Variants in MTUS2 observed in about 807,000 individuals in gnomAD.
MTUS2 encodes microtubule-associated tumor suppressor candidate 2.
In MTUS2, 40 loss-of-function variants were observed where a neutral mutation model predicts 114.1. That is an observed-to-expected ratio of 0.35 (90% CI 0.27 to 0.46). The LOEUF is 0.46. Ranked by LOEUF, MTUS2 falls within the 20% of genes least tolerant of loss-of-function variation. MTUS2 has a pLI of 1.00. For missense variants in MTUS2, 1,679 were observed against 1,705.4 expected (o/e 0.98, Z 0.27); for synonymous variants, 688 against 672.0 (o/e 1.02, Z -0.37).
At chr13:29,271,187 G>A (rs932098053) in intron 5 of MTUS2, among the ~76,000 whole-genome samples, 1 of 152,004 alleles carries the variant, frequency 6.6e-6, no homozygotes, top group African/African-American at 2.4e-5. Context: ...CTCTTCTCTC[G>A]GTTTCTGCCA....
At chr13:29,421,479 C>T (rs568353142) in intron 8 of MTUS2, among the ~76,000 whole-genome samples, 1 of 152,292 alleles carries the variant, frequency 6.6e-6, no homozygotes, top group East Asian at 1.9e-4. Flanking sequence ...GCAAATGGTA[C>T]CAAGGTTCAC....
At chr13:29,055,983 CA>C (rs1360252683) in intron 4 of MTUS2, among the ~76,000 whole-genome samples, 1 of 151,858 alleles carries the variant, frequency 6.6e-6, no homozygotes, top group Non-Finnish European at 1.5e-5. Flanking sequence ...GCATAGTTTG[CA>C]AATATTTTCT....
chr13:29,370,112 G>A (rs1273367723), intron 8 of MTUS2, among the ~76,000 whole-genome samples: 1 of 152,202 alleles, frequency 6.6e-6, no homozygotes, highest in Non-Finnish European at 1.5e-5. Context: ...CACTTTGGGA[G>A]GCTGAGGTGG....
At chr13:28,911,405 A>C (rs944726846) in intron 2 of MTUS2, among the ~76,000 whole-genome samples, 1 of 150,516 alleles carries the variant, frequency 6.6e-6, no homozygotes, top group African/African-American at 2.4e-5. Context: ...CCATCTCCTG[A>C]CCTCGTGATC....
chr13:29,015,799 C>G (rs1464872823), intron 2 of MTUS2, among the ~76,000 whole-genome samples: 2 of 151,716 alleles, frequency 1.3e-5, no homozygotes, highest in Admixed American at 1.3e-4. Context: ...ACATGACATG[C>G]AAAGTGAAAA....
At chr13:29,164,993 C>T (rs1291028691) in intron 5 of MTUS2, among the ~76,000 whole-genome samples, 1 of 152,180 alleles carries the variant, frequency 6.6e-6, no homozygotes, top group Non-Finnish European at 1.5e-5. Context: ...AGGTATTTCT[C>T]TAGACCCAGA....
At chr13:29,162,195 T>G (rs566818556) in intron 5 of MTUS2, among the ~76,000 whole-genome samples, 2 of 152,186 alleles carry the variant, frequency 1.3e-5, no homozygotes, top group Non-Finnish European at 2.9e-5. Context: ...TCTAATCCAA[T>G]ATGACCTCAT....
At chr13:29,306,265 A>G (rs1593283639) in intron 6 of MTUS2, among the ~76,000 whole-genome samples, 1 of 152,200 alleles carries the variant, frequency 6.6e-6, no homozygotes, top group African/African-American at 2.4e-5. Context: ...CCTATTCAAC[A>G]TAGTATTGGA....
At chr13:28,914,388 C>G (rs1471072811) in intron 2 of MTUS2, among the ~76,000 whole-genome samples, 1 of 151,960 alleles carries the variant, frequency 6.6e-6, no homozygotes. Context: ...GTTTATTTTC[C>G]ATGTAGTTTT....
chr13:29,220,089 G>A (rs1055851630), intron 5 of MTUS2, among the ~76,000 whole-genome samples: 14 of 151,516 alleles, frequency 9.2e-5, no homozygotes, highest in African/African-American at 3.4e-4. Flanking sequence ...TCCACCTCCC[G>A]GGTTCAAGCC....
At chr13:29,451,913 A>T (rs1025985998) in intron 9 of MTUS2, among the ~76,000 whole-genome samples, 14 of 152,178 alleles carry the variant, frequency 9.2e-5, no homozygotes, top group African/African-American at 3.4e-4. Flanking sequence ...TGAGAGTGAC[A>T]ATATAGCTTC....
chr13:29,138,633 G>A (rs1892085309), intron 5 of MTUS2, among the ~76,000 whole-genome samples: 1 of 151,528 alleles, frequency 6.6e-6, no homozygotes, highest in Non-Finnish European at 1.5e-5. Context: ...TGACAAAAAT[G>A]TTCTAAACTA....
intron 2 of MTUS2, among the ~76,000 whole-genome samples, chr13:28,844,855 G>A (rs1875760740): frequency 6.6e-6 from 1 of 152,174 alleles, no homozygotes; most frequent in Non-Finnish European, 1.5e-5. Flanking sequence ...GAGCTCAGGA[G>A]ATCTGTCTGC....
At chr13:29,204,522 A>G (rs1895099739) in intron 5 of MTUS2, among the ~76,000 whole-genome samples, 1 of 152,186 alleles carries the variant, frequency 6.6e-6, no homozygotes, top group Non-Finnish European at 1.5e-5. Context: ...AGTCCCAGCC[A>G]GGAGGAGCCT....
At chr13:28,911,760 T>C (rs1441757676) in intron 2 of MTUS2, among the ~76,000 whole-genome samples, 1 of 152,112 alleles carries the variant, frequency 6.6e-6, no homozygotes, top group Admixed American at 6.6e-5. Flanking sequence ...ATCGGTGATG[T>C]TGAGCTTTTT....
chr13:29,117,673 C>T (rs985143330), intron 5 of MTUS2, among the ~76,000 whole-genome samples: 3 of 152,182 alleles, frequency 2.0e-5, no homozygotes, highest in Non-Finnish European at 2.9e-5. Context: ...TGACAGAAAG[C>T]TGAGGGGTGA....
Position 29,024,909 on chromosome 13 carries a change from C to A in MTUS2, c.211C>A (p.Arg71Ser). The A allele has an allele frequency of 6.2e-7, 1 of 1,613,816 alleles. No homozygotes were observed. ...TACAAATTCAAGTGAGCCAGAAAACCGTACCCATTTCCATAAGGAATTTCA... is the reference window on the plus strand; with the variant it reads ...TACAAATTCAAGTGAGCCAGAAAACAGTACCCATTTCCATAAGGAATTTCA... ...GNTNSSEPEN[R>S]THFHKEFHQL... The change falls in exon 3 of 16, where the codon CGT becomes AGT. Residue 71 changes from arginine (R) to serine (S), a missense_variant. Arg to Ser is a moderately radical substitution (Grantham distance 110). Around this residue, in one of 3 missense-constraint regions of MTUS2, gnomAD observed 843 missense variants for 770.8 expected, o/e 1.09. Coordinates refer to ENST00000612955, the MANE Select transcript of MTUS2 (RefSeq NM_001033602.4).
chr13:28,959,819 T>A (rs1883239447), intron 2 of MTUS2, among the ~76,000 whole-genome samples: 1 of 152,214 alleles, frequency 6.6e-6, no homozygotes, highest in Admixed American at 6.5e-5. Flanking sequence ...CATTTCAACA[T>A]GGGATTTGGA....
intron 2 of MTUS2, among the ~76,000 whole-genome samples, chr13:28,995,413 G>A (rs1195147893): frequency 6.6e-6 from 1 of 152,178 alleles, no homozygotes; most frequent in Non-Finnish European, 1.5e-5. Flanking sequence ...GAACTTTAAA[G>A]TAGCTTTTTC....
Sources: allele counts gnomAD v4.1 joint callset (sites outside exome capture counted in the v4.1 genomes callset), GRCh38; gene constraint gnomAD v4.1.1; regional missense constraint gnomAD v4.1.1; transcripts MANE v1.5; gene names NCBI Gene and HGNC (gene_info 2026-07-23, HGNC 2026-07-21).